Variants in PTPRD observed in about 807,000 individuals in gnomAD.
The protein encoded by PTPRD is protein tyrosine phosphatase receptor type D.
A neutral mutation model predicts 214.5 loss-of-function variants in PTPRD; 34 were observed. The ratio of observed to expected loss-of-function variants is 0.16; its 90% CI spans 0.12 to 0.21. PTPRD has a LOEUF of 0.21. Ranked by LOEUF, PTPRD falls within the 10% of genes least tolerant of loss-of-function variation. The pLI is 1.00. For missense variants in PTPRD, 2,545 were observed against 2,398.7 expected, an observed-to-expected ratio of 1.06 and a Z score of -1.27; for synonymous variants, 1,128 against 845.7, an observed-to-expected ratio of 1.33 and a Z score of -5.79.
intron 3 of PTPRD, among the ~76,000 whole-genome samples, chr9:10,151,124 G>A (rs943587348): frequency 2.7e-5 from 4 of 145,980 alleles, no homozygotes; most frequent in African/African-American, 5.1e-5. Context: ...ACAGTGGTGC[G>A]ATCTCGGCTC....
chr9:10,167,814 G>C (rs887237880), intron 3 of PTPRD, among the ~76,000 whole-genome samples: 4 of 152,124 alleles, frequency 2.6e-5, no homozygotes, highest in Non-Finnish European at 4.4e-5. Flanking sequence ...ATAGCTGTAA[G>C]AGTTGATACT....
At chr9:10,153,350 G>C (rs1274957804) in intron 3 of PTPRD, among the ~76,000 whole-genome samples, 1 of 151,242 alleles carries the variant, frequency 6.6e-6, no homozygotes, top group Non-Finnish European at 1.5e-5. Flanking sequence ...TTTTTATTTT[G>C]ATAAAGAAAA....
intron 12 of PTPRD, among the ~76,000 whole-genome samples, chr9:8,722,034 C>T (rs1055057444): frequency 2.3e-4 from 35 of 152,144 alleles, no homozygotes; most frequent in Non-Finnish European, 4.4e-4. Context: ...CTGTAAGCTG[C>T]TTCCTGAGTA....
At chr9:8,945,889 C>A (rs1041229559) in intron 11 of PTPRD, among the ~76,000 whole-genome samples, 7 of 152,106 alleles carry the variant, frequency 4.6e-5, no homozygotes, top group African/African-American at 1.7e-4. Context: ...ATAAGCCAGT[C>A]AACAATTACA....
intron 6 of PTPRD, among the ~76,000 whole-genome samples, chr9:9,760,923 G>A (rs1189729556): frequency 1.3e-5 from 2 of 152,142 alleles, no homozygotes; most frequent in Admixed American, 6.6e-5. Context: ...GGGATACAGA[G>A]AAATGAGCTA....
intron 26 of PTPRD, 60 bp downstream of exon 26, chr9:8,497,182 A>T: frequency 1.4e-6 from 2 of 1,381,122 alleles, no homozygotes; most frequent in East Asian, 4.8e-5. Context: ...AAGTGAAAGG[A>T]TGTCAGAGAA....
intron 14 of PTPRD, among the ~76,000 whole-genome samples, chr9:8,591,582 G>C (rs1461687681): frequency 6.6e-6 from 1 of 152,136 alleles, no homozygotes; most frequent in Non-Finnish European, 1.5e-5. Context: ...AAAGAATGTA[G>C]GAGGAGGTGG....
intron 39 of PTPRD, among the ~76,000 whole-genome samples, chr9:8,351,040 T>G (rs561957818): frequency 1.1e-4 from 16 of 152,304 alleles, no homozygotes; most frequent in Middle Eastern, 3.4e-3. Flanking sequence ...GCATTGTTGA[T>G]GTAGCAAGTT....
intron 35 of PTPRD, among the ~76,000 whole-genome samples, chr9:8,404,894 A>G (rs560160713): frequency 5.3e-5 from 8 of 152,366 alleles, no homozygotes; most frequent in African/African-American, 1.9e-4. Context: ...AAAGAAATCA[A>G]TACAGATGTT....
intron 8 of PTPRD, among the ~76,000 whole-genome samples, chr9:9,479,069 GT>G (rs953613538): frequency 2.6e-5 from 4 of 151,700 alleles, no homozygotes; most frequent in Admixed American, 1.3e-4. Flanking sequence ...TTTTCCTTAT[GT>G]TTTTTTTCTT....
chr9:9,908,420 G>A (rs1414499276), intron 5 of PTPRD, among the ~76,000 whole-genome samples: 1 of 151,876 alleles, frequency 6.6e-6, no homozygotes, highest in Non-Finnish European at 1.5e-5. Context: ...TCCTTTGAAA[G>A]TACTGGATCC....
At chr9:9,651,161 C>T (rs189885983) in intron 7 of PTPRD, among the ~76,000 whole-genome samples, 1 of 152,090 alleles carries the variant, frequency 6.6e-6, no homozygotes, top group Admixed American at 6.6e-5. Context: ...GTGTAAAATA[C>T]ATTTTATCAT....
rs1251429330 is a variant in PTPRD at position 10,271,534 on chromosome 9, C to CTTT, written c.-545+69426_-545+69428dup. On this transcript the variant is annotated intron_variant, in intron 3 of 45. Coordinates refer to ENST00000381196, the MANE Select transcript of PTPRD (RefSeq NM_002839.4). ...CCAATACTGATAAATTCAATTGTTT[C>CTTT]TTTTCTTTTCTTTTCTTTTTTTTTT... Among the ~76,000 whole-genome samples the CTTT allele has an allele frequency of 1.8e-4, 16 of 86,566 alleles. 1 individual carries two copies. Among genetic ancestry groups the CTTT allele is most frequent in the Non-Finnish European group, 3.9e-4 (13 of 33,648 alleles). The allele number at this position is 86,566 out of a possible 152,430, so 56.8% of individuals were successfully genotyped here.
intron 9 of PTPRD, among the ~76,000 whole-genome samples, chr9:9,269,257 G>A (rs1941699804): frequency 6.6e-6 from 1 of 151,330 alleles, no homozygotes; most frequent in Admixed American, 6.6e-5. Context: ...ATGAGACAGT[G>A]CTCAACATCA....
At chr9:10,564,195 T>TTTTTTTTTTTTTTTTTA in intron 2 of PTPRD, among the ~76,000 whole-genome samples, 1 of 136,542 alleles carries the variant, frequency 7.3e-6, no homozygotes, top group African/African-American at 2.7e-5. Context: ...TTTTTTTTTT[T>TTTTTTTTTTTTTTTTTA]GAGACATAGG....
chr9:9,246,853 G>A (rs1158026354), intron 9 of PTPRD, among the ~76,000 whole-genome samples: 1 of 151,956 alleles, frequency 6.6e-6, no homozygotes, highest in Non-Finnish European at 1.5e-5. Flanking sequence ...GAATGTTGTG[G>A]TTCAGAAAAT....
intron 2 of PTPRD, among the ~76,000 whole-genome samples, chr9:10,374,264 T>A (rs2097685886): frequency 6.6e-6 from 1 of 152,074 alleles, no homozygotes; most frequent in South Asian, 2.1e-4. Flanking sequence ...TGTGTCAAAA[T>A]ACAGAAGTTT....
At chr9:8,710,156 G>C (rs137935714) in intron 12 of PTPRD, among the ~76,000 whole-genome samples, 89 of 152,168 alleles carry the variant, frequency 5.8e-4, no homozygotes, top group Non-Finnish European at 1.1e-3. Context: ...AATATTAGAA[G>C]CTTTTTTCCT....
intron 12 of PTPRD, among the ~76,000 whole-genome samples, chr9:8,711,116 T>C (rs1347009870): frequency 1.3e-5 from 2 of 151,474 alleles, no homozygotes; most frequent in Non-Finnish European, 2.9e-5. Context: ...ACATAATTAA[T>C]TAACTGGTTG....
Sources: allele counts gnomAD v4.1 joint callset (sites outside exome capture counted in the v4.1 genomes callset), GRCh38; gene constraint gnomAD v4.1.1; transcripts MANE v1.5; gene names NCBI Gene and HGNC (gene_info 2026-07-23, HGNC 2026-07-21).